C4orf51: variants seen among roughly 807,000 people sequenced by gnomAD.
C4orf51 encodes chromosome 4 open reading frame 51.
Under a neutral mutation model 25.2 loss-of-function variants are expected in C4orf51, and 25 were observed. That is an observed-to-expected ratio of 0.99 (90% CI 0.72 to 1.39). C4orf51 has a LOEUF of 1.39. Ranked by LOEUF, C4orf51 falls within the 40% of genes most tolerant of loss-of-function variation. The probability of loss-of-function intolerance (pLI) is 0.00; values close to 1 mark genes in which losing one functional copy is unlikely to be tolerated. For missense variants in C4orf51, 252 were observed against 239.6 expected (o/e 1.05, Z -0.34); for synonymous variants, 100 against 84.5 (o/e 1.18, Z -1.01).
chr4:145,745,289 T>C (rs1733308076), intron 1 of C4orf51, among the ~76,000 whole-genome samples: 1 of 151,438 alleles, frequency 6.6e-6, no homozygotes, highest in Admixed American at 6.6e-5. Flanking sequence ...GACACACTGT[T>C]GTGGTATCAA....
chr4:145,777,116 T>C, the C4orf51 span, among the ~76,000 whole-genome samples: 1 of 152,338 alleles, frequency 6.6e-6, no homozygotes, highest in African/African-American at 2.4e-5. Flanking sequence ...AAAGTTCTTC[T>C]CTACAAAATA....
At chr4:145,713,868 C>T (rs547386777) in intron 2 of C4orf51, among the ~76,000 whole-genome samples, 4 of 151,988 alleles carry the variant, frequency 2.6e-5, no homozygotes, top group South Asian at 2.1e-4. Context: ...CTGCAAACTC[C>T]GCCTCCTGGG....
chr4:145,731,664 C>T (rs570564062), intron 5 of C4orf51, among the ~76,000 whole-genome samples: 3 of 145,652 alleles, frequency 2.1e-5, no homozygotes, highest in African/African-American at 7.7e-5. Flanking sequence ...TCACTGCAAC[C>T]TCCACCTCCT....
intron 1 of C4orf51, among the ~76,000 whole-genome samples, chr4:145,768,891 A>AAAAAAC (rs1735774799): frequency 8.6e-5 from 1 of 11,612 alleles, no homozygotes; most frequent in African/African-American, 2.8e-4. Context: ...AAAAAAAAAA[A>AAAAAAC]TATATATATA....
At chr4:145,697,174 G>C (rs1242645946) in intron 2 of C4orf51, among the ~76,000 whole-genome samples, 2 of 149,112 alleles carry the variant, frequency 1.3e-5, no homozygotes, top group Admixed American at 1.3e-4. Flanking sequence ...ATCTTGGCTC[G>C]CTGCAAACTT....
At chr4:145,779,864 C>A in the C4orf51 span, among the ~76,000 whole-genome samples, 1 of 152,160 alleles carries the variant, frequency 6.6e-6, no homozygotes, top group African/African-American at 2.4e-5. Context: ...GTTAAAATTC[C>A]AGAAATGTAG....
chr4:145,719,252 A>T (rs985423062), intron 2 of C4orf51, among the ~76,000 whole-genome samples: 1 of 151,442 alleles, frequency 6.6e-6, no homozygotes, highest in Admixed American at 6.6e-5. Context: ...CTTTGTTTAT[A>T]ATTTGTCTTC....
At chr4:145,690,601 A>G (rs1208527954) in intron 1 of C4orf51, among the ~76,000 whole-genome samples, 2 of 152,228 alleles carry the variant, frequency 1.3e-5, no homozygotes, top group Non-Finnish European at 2.9e-5. Context: ...AGTCCTCAAA[A>G]GCAAACACAA....
chr4:145,761,165 C>T lies in C4orf51; in HGVS notation n.167-9823C>T, dbSNP rs1223825385. On this transcript the variant is annotated intron_variant and non_coding_transcript_variant, in intron 1 of 1. Coordinates refer to the C4orf51 transcript ENST00000510096. This position sits in a 1 kb window ranked among gnomAD's most constrained non-coding sequence, Gnocchi z 6.8. Reference sequence around the variant, plus strand: ...GGTTCCTTGGGGGCTGGACACAGGCCCTTCTTGTCCTCCTCGGGGCAGTCC... The same window carrying T: ...GGTTCCTTGGGGGCTGGACACAGGCTCTTCTTGTCCTCCTCGGGGCAGTCC... The T allele has an allele frequency of 1.6e-6, 2 of 1,289,700 alleles. No homozygotes were observed. Among genetic ancestry groups the T allele is most frequent in the Non-Finnish European group, 2.0e-6 (2 of 988,874 alleles). 79.9% of individuals were successfully genotyped at this position (1,289,700 alleles called of 1,614,324 possible).
At chr4:145,684,014 A>G (rs1432473827) in intron 1 of C4orf51, among the ~76,000 whole-genome samples, 1 of 152,252 alleles carries the variant, frequency 6.6e-6, no homozygotes, top group Non-Finnish European at 1.5e-5. Context: ...CCAAAATAAC[A>G]AACATTTGAA....
intron 1 of C4orf51, among the ~76,000 whole-genome samples, chr4:145,691,112 C>CA (rs112335038): frequency 1.7e-3 from 256 of 147,146 alleles, no homozygotes; most frequent in African/African-American, 5.9e-3. Flanking sequence ...GACCTTGTCT[C>CA]AAAAAAAAAA....
intron 1 of C4orf51, among the ~76,000 whole-genome samples, chr4:145,684,548 G>T (rs968573543): frequency 3.3e-5 from 5 of 152,264 alleles, no homozygotes; most frequent in Admixed American, 6.5e-5. Flanking sequence ...TTAAAATAAT[G>T]AGATAACATT....
intron 1 of C4orf51, among the ~76,000 whole-genome samples, chr4:145,747,688 CCCTTCCTTCCTTCCTTCTTT>C (rs548379947): frequency 0.019 from 2,476 of 132,954 alleles, 29 homozygotes; most frequent in Non-Finnish European, 0.028. Context: ...CTCCCTCCCT[CCCTTCCTTCCTTCCTTCTTT>C]CCTTCCTTCC....
At position 145,729,259 on chromosome 4, in the gene C4orf51, A is replaced by G. The variant is rs765215122; in HGVS notation, c.427+30A>G. ...GTCCCATCCTGAACTACTACTTTACATCCATTTTCTGGCCTTTATTTTAAT... is the reference window on the plus strand; with the variant it reads ...GTCCCATCCTGAACTACTACTTTACGTCCATTTTCTGGCCTTTATTTTAAT... On this transcript the variant is annotated intron_variant, in intron 4 of 5. Transcript: ENST00000438731. 10 of 1,336,098 alleles carry G rather than the reference A, an allele frequency of 7.5e-6. No individual in the cohort carries two copies. In the South Asian group the frequency reaches 1.2e-4, roughly 16 times the overall value. 82.8% of individuals were successfully genotyped at this position (1,336,098 alleles called of 1,614,324 possible). A position where few individuals can be genotyped will look rare whatever the true frequency, so the allele number is the denominator to read the frequency against.
Position 145,680,195 on chromosome 4 carries a change from T to A in C4orf51, c.-9T>A, listed in dbSNP as rs1021079385. On this transcript the variant is annotated 5_prime_UTR_variant, in exon 1 of 6. Transcript: ENST00000438731. ...GACAAGTTGTTTTCCAGAGAGGCCGTTCGTAGTTATGTCACACTACTTCTA... is the reference window on the plus strand; with the variant it reads ...GACAAGTTGTTTTCCAGAGAGGCCGATCGTAGTTATGTCACACTACTTCTA... 6.3e-7 allele frequency: 1 copy of A among 1,591,710 alleles called. No individual in the cohort carries two copies. The highest frequency in any genetic ancestry group is 8.6e-7 in the Non-Finnish European group (1 of 1,159,876).
intron 2 of C4orf51, among the ~76,000 whole-genome samples, chr4:145,708,822 TC>T (rs1446167641): frequency 6.6e-6 from 1 of 152,252 alleles, no homozygotes; most frequent in Non-Finnish European, 1.5e-5. Context: ...ATAGTGACTC[TC>T]ACTTGGAGCA....
chr4:145,724,157 G>A (rs1731908555), intron 2 of C4orf51, among the ~76,000 whole-genome samples: 1 of 152,104 alleles, frequency 6.6e-6, no homozygotes, highest in Non-Finnish European at 1.5e-5. Context: ...TTAATGATTA[G>A]TATAATTCTT....
chr4:145,746,719 C>T (rs1404111965), intron 1 of C4orf51, among the ~76,000 whole-genome samples: 1 of 151,782 alleles, frequency 6.6e-6, no homozygotes, highest in African/African-American at 2.4e-5. Flanking sequence ...TCTATATACA[C>T]TTTAGAATTT....
intron 2 of C4orf51, among the ~76,000 whole-genome samples, chr4:145,719,724 C>T (rs1731622428): frequency 6.6e-6 from 1 of 152,104 alleles, no homozygotes; most frequent in African/African-American, 2.4e-5. Context: ...GGCACTGTTG[C>T]ACACAAACAT....
Sources: gnomAD v4.1 joint callset for allele counts (sites outside exome capture counted in the v4.1 genomes callset) on GRCh38, gnomAD v4.1.1 for gene constraint, Gnocchi (gnomAD v3.1) non-coding constraint, MANE v1.5 for transcripts, NCBI Gene and HGNC (gene_info 2026-07-23, HGNC 2026-07-21) for gene names.